MMP26: variants seen among roughly 807,000 people sequenced by gnomAD.
MMP26 encodes the protein matrix metalloproteinase-26.
Under a neutral mutation model 31.0 loss-of-function variants are expected in MMP26, and 33 were observed. That is an observed-to-expected ratio of 1.06 (90% CI 0.81 to 1.42). MMP26 has a LOEUF of 1.42. Among genes scored for constraint, MMP26 ranks in the 40% most tolerant of loss-of-function variants. The probability of loss-of-function intolerance (pLI) is 0.00; values close to 1 mark genes in which losing one functional copy is unlikely to be tolerated. For missense variants in MMP26, 347 were observed against 316.1 expected (o/e 1.10, Z -0.74); for synonymous variants, 122 against 114.9 (o/e 1.06, Z -0.40).
At chr11:4,916,073 C>T (rs1463955548) in intron 2 of MMP26, among the ~76,000 whole-genome samples, 3 of 151,926 alleles carry the variant, frequency 2.0e-5, no homozygotes, top group Non-Finnish European at 4.4e-5. Flanking sequence ...AATCTCAGCA[C>T]TTTGGGAGGC....
Position 4,986,600 on chromosome 11 carries a change from G to A in MMP26, c.-144-1468G>A, listed in dbSNP as rs916140028. Among the ~76,000 whole-genome samples, 14 of 135,728 alleles carry A rather than the reference G, an allele frequency of 1.0e-4. No homozygotes were observed. In the East Asian group the frequency reaches 1.6e-3, roughly 15 times the overall value. The allele number at this position is 135,728 out of a possible 152,430, so 89.0% of individuals were successfully genotyped here. A position where few individuals can be genotyped will look rare whatever the true frequency, so the allele number is the denominator to read the frequency against. ...GGCTGGAGTGCAGTGGCATGATCTC[G>A]GCTCACTGCAACCTCCGCCTTCTGG... On this transcript the variant is annotated intron_variant, in intron 2 of 7. Coordinates refer to ENST00000380390, the MANE Select transcript of MMP26 (RefSeq NM_021801.5).
intron 1 of MMP26, among the ~76,000 whole-genome samples, chr11:4,717,786 G>A (rs1847954876): frequency 6.6e-6 from 1 of 152,150 alleles, no homozygotes; most frequent in Non-Finnish European, 1.5e-5. Context: ...GGCACATACA[G>A]TTTAGTAACT....
At chr11:4,908,049 T>C (rs775773986) in intron 2 of MMP26, 27 of 1,614,082 alleles carry the variant, frequency 1.7e-5, no homozygotes, top group Non-Finnish European at 2.3e-5. Context: ...ATACTCAGCA[T>C]TGCATCTTTG....
intron 2 of MMP26, among the ~76,000 whole-genome samples, chr11:4,813,031 A>ATG (rs1849371417): frequency 6.6e-6 from 1 of 151,324 alleles, no homozygotes; most frequent in African/African-American, 2.4e-5. Flanking sequence ...ATATATATAT[A>ATG]TGGGAGTCCT....
intron 2 of MMP26, among the ~76,000 whole-genome samples, chr11:4,805,743 T>G (rs1478469577): frequency 6.6e-6 from 1 of 152,202 alleles, no homozygotes; most frequent in Non-Finnish European, 1.5e-5. Context: ...TTGACTACCT[T>G]GAGGCCATAG....
intron 2 of MMP26, among the ~76,000 whole-genome samples, chr11:4,792,113 A>T (rs895909296): frequency 6.6e-6 from 1 of 152,008 alleles, no homozygotes; most frequent in African/African-American, 2.4e-5. Context: ...TAGAAGTGAC[A>T]AGAGGGTTTA....
chr11:4,868,357 G>A (rs1355733441), intron 2 of MMP26, among the ~76,000 whole-genome samples: 6 of 151,990 alleles, frequency 3.9e-5, no homozygotes, highest in African/African-American at 1.2e-4. Flanking sequence ...GCTGAGAAGC[G>A]ACTTCAGCAA....
chr11:4,803,776 C>T (rs780371700), intron 2 of MMP26: 3 of 1,613,290 alleles, frequency 1.9e-6, no homozygotes, highest in South Asian at 2.2e-5. Flanking sequence ...CACAAAGAGC[C>T]CATTCCCACG....
chr11:4,973,665 C>T, intron 2 of MMP26: 1 of 170,102 alleles, frequency 5.9e-6, no homozygotes. Context: ...AGGGATAGTC[C>T]CAGGTCAGAG....
At chr11:4,929,251 C>G (rs144551050) in intron 2 of MMP26, among the ~76,000 whole-genome samples, 1 of 151,636 alleles carries the variant, frequency 6.6e-6, no homozygotes, top group Non-Finnish European at 1.5e-5. Flanking sequence ...TGACTTATTC[C>G]ACTGTTTGAG....
At chr11:4,921,513 A>G (rs1021667644) in intron 2 of MMP26, among the ~76,000 whole-genome samples, 1 of 152,244 alleles carries the variant, frequency 6.6e-6, no homozygotes, top group Non-Finnish European at 1.5e-5. Context: ...GAAAAAGTGT[A>G]GTTACGGAAG....
At position 4,846,628 on chromosome 11, in the gene MMP26, T is replaced by G. The variant is rs7104140; in HGVS notation, c.-145+79287T>G. On this transcript the variant is annotated intron_variant, in intron 2 of 7. Transcript: ENST00000380390. The stretch of plus-strand genomic sequence containing the variant: ...ACCCCATTCTTCATGATGTGATTAT[T>G]TCACATTGCATGCCTGTATCAAAAC... 8.7e-3 allele frequency among the ~76,000 whole-genome samples: 1,325 copies of G among 152,270 alleles called. 17 individuals are homozygous for G. The highest frequency in any genetic ancestry group is 0.029 in the African/African-American group (1,206 of 41,532).
chr11:4,892,844 C>A (rs1439586929), intron 2 of MMP26, among the ~76,000 whole-genome samples: 1 of 152,142 alleles, frequency 6.6e-6, no homozygotes, highest in South Asian at 2.1e-4. Flanking sequence ...CTGTTCAGAT[C>A]TGTTCCAATA....
intron 2 of MMP26, among the ~76,000 whole-genome samples, chr11:4,827,649 ATTG>A (rs1007577214): frequency 5.9e-5 from 9 of 151,968 alleles, no homozygotes; most frequent in East Asian, 3.9e-4. Context: ...GTTATTATTT[ATTG>A]TTGTTAACAA....
intron 2 of MMP26, among the ~76,000 whole-genome samples, chr11:4,874,781 T>C (rs1165015482): frequency 6.6e-6 from 1 of 152,012 alleles, no homozygotes; most frequent in Admixed American, 6.6e-5. Flanking sequence ...AAAATTGAAA[T>C]GGAAGAGAAT....
At chr11:4,774,678 C>T (rs1192047482) in intron 2 of MMP26, among the ~76,000 whole-genome samples, 1 of 152,006 alleles carries the variant, frequency 6.6e-6, no homozygotes, top group East Asian at 1.9e-4. Context: ...TTGCTTTTGG[C>T]AATTTCATCA....
chr11:4,838,946 G>T (rs1849758486), intron 2 of MMP26, among the ~76,000 whole-genome samples: 1 of 152,194 alleles, frequency 6.6e-6, no homozygotes, highest in African/African-American at 2.4e-5. Context: ...CTGTCATCAG[G>T]CAATGGCAAT....
Position 4,940,572 on chromosome 11 carries a change from T to C in MMP26, c.-144-47496T>C, listed in dbSNP as rs554903153. 1.6e-4 allele frequency among the ~76,000 whole-genome samples: 25 copies of C among 152,318 alleles called. 1 individual carries two copies. The East Asian group carries it at 4.8e-3, about 29-fold the overall frequency. ...AGTAGGAAAGAATCCTTTAAGCTCC[T>C]CTTTTATGCTTGTAGGCACTGTTTT... On this transcript the variant is annotated intron_variant, in intron 2 of 7. Coordinates refer to ENST00000380390, the MANE Select transcript of MMP26 (RefSeq NM_021801.5).
chr11:4,748,566 A>T (rs1421750981), intron 1 of MMP26, among the ~76,000 whole-genome samples: 3 of 146,624 alleles, frequency 2.0e-5, no homozygotes, highest in African/African-American at 7.9e-5. Flanking sequence ...AACTGAATCA[A>T]ACAGCACATC....
Sources: gnomAD v4.1 joint callset for allele counts (sites outside exome capture counted in the v4.1 genomes callset) on GRCh38, gnomAD v4.1.1 for gene constraint, MANE v1.5 for transcripts, NCBI Gene and HGNC (gene_info 2026-07-23, HGNC 2026-07-21) for gene names.